AKAP13: variants seen among roughly 807,000 people sequenced by gnomAD.
AKAP13 encodes A-kinase anchor protein 13.
AKAP13 carries 80 observed loss-of-function variants against 264.5 expected under a neutral mutation model. The observed-to-expected ratio is 0.30, with a 90% CI of 0.25 to 0.36. The LOEUF is 0.36. Among genes scored for constraint, AKAP13 ranks in the 10% least tolerant of loss-of-function variants. The pLI is 1.00. For missense variants in AKAP13, 3,712 were observed against 3,435.2 expected (o/e 1.08, Z -2.01); for synonymous variants, 1,380 against 1,250.2 (o/e 1.10, Z -2.19).
At chr15:85,733,917 G>T (rs1213707373) in intron 30 of AKAP13, among the ~76,000 whole-genome samples, 7 of 88,082 alleles carry the variant, frequency 7.9e-5, no homozygotes, top group African/African-American at 3.0e-4. Context: ...TGCTCCTGTT[G>T]CCCAGGCTGC....
intron 17 of AKAP13, among the ~76,000 whole-genome samples, chr15:85,704,904 G>A (rs115748082): frequency 1.3e-5 from 2 of 152,074 alleles, no homozygotes; most frequent in Non-Finnish European, 2.9e-5. Flanking sequence ...AATCACCCAC[G>A]CACAGCTCTA....
intron 8 of AKAP13, chr15:85,620,103 G>A: frequency 6.5e-7 from 1 of 1,536,054 alleles, no homozygotes; most frequent in South Asian, 1.2e-5. Flanking sequence ...TGTATGAACG[G>A]CACAAGAGGC....
At chr15:85,485,620 G>C (rs2075514989) in intron 1 of AKAP13, 90 bp from the exon 2 acceptor site, 1 of 1,085,486 alleles carries the variant, frequency 9.2e-7, no homozygotes, top group Non-Finnish European at 1.4e-6. Context: ...TACTCACAGA[G>C]CTATGCTTGA....
At position 85,741,334 on chromosome 15, in the gene AKAP13, C is replaced by T. The variant is rs148383842; in HGVS notation, c.7897C>T (p.Leu2633=). The change falls in exon 35 of 37, where the codon CTG becomes TTG. Residue 2633 remains leucine, a synonymous_variant. Coordinates refer to ENST00000394518, the MANE Select transcript of AKAP13 (RefSeq NM_007200.5). ...GGAGGTGCAGCAGGGGCAGCAGGAC[C>T]TGGAAAAGGAGCGGGAGGAGCTCCA... is the stretch of plus-strand genomic sequence containing the variant. ...EEEVQQGQQD[L]EKEREELQQK... 6.2e-7 allele frequency: 1 copy of T among 1,613,574 alleles called. No individual in the cohort carries two copies. The highest frequency in any genetic ancestry group is 1.1e-5 in the South Asian group (1 of 91,008).
At chr15:85,705,973 A>G (rs1464765358) in intron 17 of AKAP13, among the ~76,000 whole-genome samples, 1 of 152,242 alleles carries the variant, frequency 6.6e-6, no homozygotes, top group East Asian at 1.9e-4. Context: ...TCTCTTCAGC[A>G]TTATATATTG....
intron 3 of AKAP13, among the ~76,000 whole-genome samples, chr15:85,528,363 A>G (rs570223784): frequency 1.3e-5 from 2 of 152,266 alleles, no homozygotes; most frequent in East Asian, 3.9e-4. Context: ...TATAGTGCCA[A>G]TGGCAAGCTT....
chr15:85,402,598 G>A (rs545751571), intron 1 of AKAP13, among the ~76,000 whole-genome samples: 4 of 152,224 alleles, frequency 2.6e-5, no homozygotes, highest in African/African-American at 9.6e-5. Context: ...GGGAGCTTGG[G>A]AAATCCTGAT....
chr15:85,618,181 G>A (rs992611204), intron 8 of AKAP13, among the ~76,000 whole-genome samples: 7 of 152,182 alleles, frequency 4.6e-5, no homozygotes, highest in Admixed American at 3.9e-4. Context: ...TCTTAGCAGG[G>A]TTTGCTGTAT....
chr15:85,389,169 G>A (rs1402687979), intron 1 of AKAP13, among the ~76,000 whole-genome samples: 2 of 152,260 alleles, frequency 1.3e-5, no homozygotes, highest in South Asian at 2.1e-4. Flanking sequence ...TTACTACTGG[G>A]TGTGAGACTC....
intron 5 of AKAP13, among the ~76,000 whole-genome samples, chr15:85,574,734 A>G (rs1410591932): frequency 2.6e-5 from 4 of 152,166 alleles, no homozygotes; most frequent in African/African-American, 9.7e-5. Flanking sequence ...AATTGACTGT[A>G]GTTAGCATAT....
chr15:85,476,014 C>G (rs1012786417), intron 1 of AKAP13, among the ~76,000 whole-genome samples: 5 of 151,904 alleles, frequency 3.3e-5, no homozygotes, highest in African/African-American at 1.2e-4. Flanking sequence ...AAGGCAAGCA[C>G]AAAAATAAAA....
At chr15:85,547,121 G>A (rs756378666) in intron 5 of AKAP13, among the ~76,000 whole-genome samples, 20 of 152,062 alleles carry the variant, frequency 1.3e-4, no homozygotes, top group East Asian at 3.8e-4. Flanking sequence ...CATATAAGCC[G>A]GCCTCTTTTA....
At chr15:85,622,513 A>G (rs990387054) in intron 8 of AKAP13, among the ~76,000 whole-genome samples, 2 of 152,178 alleles carry the variant, frequency 1.3e-5, no homozygotes, top group Non-Finnish European at 2.9e-5. Flanking sequence ...CTTAACAGCT[A>G]TGGGGAGGAT....
Position 85,708,180 on chromosome 15 carries a change from T to C in AKAP13, c.5532+94T>C, listed in dbSNP as rs1357582586. The C allele has an allele frequency of 6.5e-6, 8 of 1,231,408 alleles. No homozygotes were observed. Among genetic ancestry groups the C allele is most frequent in the African/African-American group, 1.5e-5 (1 of 66,534 alleles). 76.3% of individuals were successfully genotyped at this position (1,231,408 alleles called of 1,614,324 possible). On this transcript the variant is annotated intron_variant, in intron 18 of 36. Coordinates refer to ENST00000394518, the MANE Select transcript of AKAP13 (RefSeq NM_007200.5). The surrounding 1 kb of genome is among the most constrained non-coding windows in gnomAD (Gnocchi z 4.3). ...GGAGAGTTGAGGTTGTGGTGGATTT[T>C]GTTTATTTTAATCATTTGGTACCAA...
At chr15:85,569,134 G>A (rs906572650) in intron 5 of AKAP13, among the ~76,000 whole-genome samples, 9 of 152,166 alleles carry the variant, frequency 5.9e-5, no homozygotes, top group African/African-American at 2.2e-4. Context: ...TGATTATGGA[G>A]TAACATAAAA....
At chr15:85,463,892 T>G (rs1185948154) in intron 1 of AKAP13, among the ~76,000 whole-genome samples, 1 of 152,168 alleles carries the variant, frequency 6.6e-6, no homozygotes, top group Non-Finnish European at 1.5e-5. Flanking sequence ...GTGCCTTGAT[T>G]GAAATTTGGA....
At chr15:85,728,654 G>A (rs2087762580) in intron 29 of AKAP13, among the ~76,000 whole-genome samples, 2 of 152,100 alleles carry the variant, frequency 1.3e-5, no homozygotes, top group African/African-American at 4.8e-5. Flanking sequence ...CAGAGAAGCT[G>A]GTGCATGAGC....
At chr15:85,701,231 G>A (rs374665917) in intron 17 of AKAP13, 3 of 151,984 alleles carry the variant, frequency 2.0e-5, no homozygotes, top group Non-Finnish European at 4.4e-5. Context: ...CTGGAGGCAC[G>A]TTATTTCATG....
chr15:85,729,599 A>G (rs1336022902), intron 29 of AKAP13, among the ~76,000 whole-genome samples: 8 of 152,140 alleles, frequency 5.3e-5, no homozygotes, highest in Admixed American at 2.6e-4. Flanking sequence ...CATTGAAGCC[A>G]TGGGGATGAA....
Sources: allele counts gnomAD v4.1 joint callset (sites outside exome capture counted in the v4.1 genomes callset), GRCh38; gene constraint gnomAD v4.1.1; non-coding constraint Gnocchi (gnomAD v3.1); transcripts MANE v1.5; gene names NCBI Gene and HGNC (gene_info 2026-07-23, HGNC 2026-07-21).